The following TSNAXIP1 variants were observed in gnomAD, a reference collection of about 807,000 sequenced individuals.
TSNAXIP1 encodes translin associated factor X interacting protein 1.
Under a neutral mutation model 84.8 loss-of-function variants are expected in TSNAXIP1, and 89 were observed. The observed-to-expected ratio is 1.05, with a 90% CI of 0.88 to 1.25. The LOEUF is 1.25. Among genes scored for constraint, TSNAXIP1 ranks in the 50% most tolerant of loss-of-function variants. The pLI is 0.00. For synonymous variants in TSNAXIP1, 347 were observed against 335.2 expected (o/e 1.04, Z -0.39); for missense variants, 874 against 887.6 (o/e 0.98, Z 0.20).
intron 1 of TSNAXIP1, chr16:67,807,551 A>C: frequency 2.1e-6 from 1 of 476,540 alleles, no homozygotes; most frequent in Non-Finnish European, 3.4e-6. Context: ...TGCAGCCTCG[A>C]CCTCCCGGGC....
chr16:67,813,251 G>A (rs573164992), intron 1 of TSNAXIP1, among the ~76,000 whole-genome samples: 41 of 151,874 alleles, frequency 2.7e-4, no homozygotes, highest in Non-Finnish European at 5.1e-4. Flanking sequence ...GCTGGGCATG[G>A]TGGCAGGGGC....
rs1280377579 is a variant in TSNAXIP1, at chr16:67,818,727, A to AG, written c.148-2111dup. ...CCTTTTTTTTTTTTTTTTTTGAGACAGAGTCTCTCTCTGTCGCCCAGACTG... is the reference window on the plus strand; with the variant it reads ...CCTTTTTTTTTTTTTTTTTTGAGACAGGAGTCTCTCTCTGTCGCCCAGACTG... On this transcript the variant is annotated intron_variant, in intron 2 of 15. Coordinates refer to ENST00000561639, the MANE Select transcript of TSNAXIP1 (RefSeq NM_001288990.3). 2.7e-5 allele frequency among the ~76,000 whole-genome samples: 4 copies of AG among 147,296 alleles called. No individual in the cohort carries two copies. The Admixed American group carries it at 2.7e-4, about 10-fold the overall frequency.
intron 4 of TSNAXIP1, 24 bp downstream of exon 4, chr16:67,821,249 G>GGGA: frequency 6.4e-7 from 1 of 1,570,774 alleles, no homozygotes; most frequent in Non-Finnish European, 8.7e-7. Context: ...AAGAAACTTG[G>GGGA]GGAGGGCGGG....
At chr16:67,823,981 C>G (rs147342636) in intron 5 of TSNAXIP1, among the ~76,000 whole-genome samples, 1 of 144,678 alleles carries the variant, frequency 6.9e-6, no homozygotes, top group Non-Finnish European at 1.5e-5. Context: ...ATCACACCAC[C>G]GCACTCCAGC....
At chr16:67,821,523 G>A (rs913088729) in intron 4 of TSNAXIP1, among the ~76,000 whole-genome samples, 1 of 151,842 alleles carries the variant, frequency 6.6e-6, no homozygotes, top group Admixed American at 6.6e-5. Flanking sequence ...GTTGCAGTGA[G>A]ACAAGATCAC....
chr16:67,810,194 G>A (rs2055922328), intron 1 of TSNAXIP1, among the ~76,000 whole-genome samples: 1 of 152,040 alleles, frequency 6.6e-6, no homozygotes, highest in African/African-American at 2.4e-5. Flanking sequence ...CCTGGGGCAG[G>A]TTTCTCCTCC....
intron 6 of TSNAXIP1, 23 bp from the exon 7 acceptor site, chr16:67,825,114 C>T (rs768232069): frequency 1.2e-6 from 2 of 1,611,590 alleles, no homozygotes; most frequent in South Asian, 2.2e-5. Context: ...CAGCCCCTGA[C>T]CACACAGCCA....
rs552765220 is a variant in TSNAXIP1 at position 67,824,710 on chromosome 16, G to A, written c.609G>A (p.Lys203=). Residue 203 remains lysine (K), a synonymous_variant, in exon 6 of 16, where the codon AAG becomes AAA. Transcript: ENST00000561639. ...AGAAATATGAAATCTCCCTGCTCAA[G>A]AAAGAGAAGATGAACTTGCTAAAAC... ...AEEKYEISLL[K]KEKMNLLKLI... is the part of the protein sequence containing the mutation. The A allele has an allele frequency of 7.4e-6, 12 of 1,614,172 alleles. No homozygotes were observed. The East Asian group carries it at 2.7e-4, about 36-fold the overall frequency.
chr16:67,820,934 C>G lies in TSNAXIP1; in HGVS notation c.243C>G (p.Asp81Glu). The G allele has an allele frequency of 6.2e-7, 1 of 1,601,906 alleles. No individual in the cohort carries two copies. Among genetic ancestry groups the G allele is most frequent in the Non-Finnish European group, 8.5e-7 (1 of 1,174,184 alleles). ...ILQNRKPCSDDYRKRVGSCQQ... is the reference protein window; with the variant it reads ...ILQNRKPCSDEYRKRVGSCQQ... ...AAAATCGAAAACCCTGTTCAGATGA[C>G]TACCGGAAGCGAGTAGGGTAAGCCA... is the stretch of plus-strand genomic sequence containing the variant. Residue 81 changes from aspartate (D) to glutamate (E), a missense_variant, in exon 3 of 16, where the codon GAC becomes GAG. Asp to Glu is a conservative substitution (Grantham distance 45). Transcript: ENST00000561639.
chr16:67,821,975 A>C (rs557785227), intron 4 of TSNAXIP1, among the ~76,000 whole-genome samples: 170 of 149,118 alleles, frequency 1.1e-3, no homozygotes, highest in Non-Finnish European at 1.8e-3. Flanking sequence ...ACAGAGTGAG[A>C]CTCTGTCAAC....
chr16:67,819,602 G>A (rs148623000), intron 2 of TSNAXIP1, among the ~76,000 whole-genome samples: 21 of 150,710 alleles, frequency 1.4e-4, no homozygotes, highest in Non-Finnish European at 2.8e-4. Flanking sequence ...TGAGTTCCTA[G>A]CAAGTACCAG....
intron 2 of TSNAXIP1, among the ~76,000 whole-genome samples, chr16:67,816,626 C>A (rs59343240): frequency 6.6e-6 from 1 of 152,046 alleles, no homozygotes; most frequent in Non-Finnish European, 1.5e-5. Flanking sequence ...CTCCCGGGCA[C>A]CCTTCTCAGC....
rs115862460 is a variant in TSNAXIP1 at position 67,818,395 on chromosome 16, T to C, written c.148-2444T>C. ...AACCAGGAATGGTGGTGTGCCCATG[T>C]AGTCCTAGCTACTCAGGAGACTGAG... On this transcript the variant is annotated intron_variant, in intron 2 of 15. Transcript: ENST00000561639. Among the ~76,000 whole-genome samples, 604 of 152,224 alleles carry C rather than the reference T, an allele frequency of 4.0e-3. 4 individuals carry two copies. Among genetic ancestry groups the C allele is most frequent in the African/African-American group, 0.013 (548 of 41,534 alleles).
At position 67,820,844 on chromosome 16, in the gene TSNAXIP1, T is replaced by G. The variant is rs766750353; in HGVS notation, c.153T>G (p.Gly51=). The stretch of plus-strand genomic sequence containing the variant: ...CCACCTGTACCTCCCTGCAGACTGG[T>G]CAGTTCTCCATGGGTGGGCACCTGT... The part of the protein sequence containing the change: ...KLLQKRRTLT[G]QFSMGGHLSP... The change falls in exon 3 of 16, where the codon GGT becomes GGG. Residue 51 remains glycine, a synonymous_variant. Transcript: ENST00000561639. The G allele has an allele frequency of 1.3e-6, 2 of 1,541,912 alleles. No homozygotes were observed. Among genetic ancestry groups the G allele is most frequent in the South Asian group, 2.5e-5 (2 of 78,956 alleles).
At chr16:67,824,098 C>T (rs2057271084) in intron 5 of TSNAXIP1, among the ~76,000 whole-genome samples, 1 of 151,234 alleles carries the variant, frequency 6.6e-6, no homozygotes, top group Non-Finnish European at 1.5e-5. Flanking sequence ...ATTCGACCTT[C>T]TGGTGCTCCA....
intron 3 of TSNAXIP1, 38 bp from the exon 4 acceptor site, chr16:67,821,061 G>C (rs760248778): frequency 3.1e-6 from 5 of 1,612,030 alleles, no homozygotes; most frequent in Non-Finnish European, 4.2e-6. Flanking sequence ...AGGGCCCCGT[G>C]GGGGTGCTGG....
At chr16:67,807,498 T>G (rs183897445) in intron 1 of TSNAXIP1, 95 of 1,009,366 alleles carry the variant, frequency 9.4e-5, no homozygotes, top group Non-Finnish European at 1.3e-6. Context: ...AAGATCTCGT[T>G]CTGTCGCCCA....
In TSNAXIP1 at chr16:67,826,165, G is replaced by C. The variant is rs1440666325; in HGVS notation, c.1158G>C (p.Gly386=). 1 of 1,612,900 alleles carries C rather than the reference G, an allele frequency of 6.2e-7. No homozygotes were observed. Among genetic ancestry groups the C allele is most frequent in the East Asian group, 2.2e-5 (1 of 44,868 alleles). ...CCCCACATGCAGATGTGGTGGCTGG[G>C]GGCCCAGAGCGCTGGCAGATGCTGG... ...DWTKCKDVVA[G]GPERWQMLAE... Residue 386 remains glycine (G), a synonymous_variant, in exon 10 of 16, where the codon GGG becomes GGC. Coordinates refer to ENST00000561639, the MANE Select transcript of TSNAXIP1 (RefSeq NM_001288990.3).
At position 67,824,751 on chromosome 16, in the gene TSNAXIP1, A is replaced by G; in HGVS notation, c.650A>G (p.Asn217Ser). Residue 217 changes from asparagine to serine, a missense_variant, in exon 6 of 16, where the codon AAT (asparagine) becomes AGT (serine). Coordinates refer to ENST00000561639, the MANE Select transcript of TSNAXIP1 (RefSeq NM_001288990.3). ...TTGCTAAAACTCATCGACAAAAAGAATGAGGAGAAGATTTCATTGCAGAGC... is the reference window on the plus strand; with the variant it reads ...TTGCTAAAACTCATCGACAAAAAGAGTGAGGAGAAGATTTCATTGCAGAGC... ...MNLLKLIDKK[N>S]EEKISLQSEV... 6.2e-7 allele frequency: 1 copy of G among 1,614,122 alleles called. No homozygotes were observed. Among genetic ancestry groups the G allele is most frequent in the Non-Finnish European group, 8.5e-7 (1 of 1,179,964 alleles).
Sources: gnomAD v4.1 joint callset for allele counts (sites outside exome capture counted in the v4.1 genomes callset) on GRCh38, gnomAD v4.1.1 for gene constraint, MANE v1.5 for transcripts, NCBI Gene and HGNC (gene_info 2026-07-23, HGNC 2026-07-21) for gene names.